TNNT2: variants seen among roughly 807,000 people sequenced by gnomAD.
TNNT2 encodes troponin T2, cardiac type.
In TNNT2, 34 loss-of-function variants were observed where a neutral mutation model predicts 62.4. The ratio of observed to expected loss-of-function variants is 0.54; its 90% CI spans 0.41 to 0.72. The LOEUF is 0.72. TNNT2 is among the 30% of genes least tolerant of loss of function. The probability of loss-of-function intolerance (pLI) is 0.00; values close to 1 mark genes in which losing one functional copy is unlikely to be tolerated. For synonymous variants in TNNT2, 123 were observed against 127.2 expected (o/e 0.97, Z 0.22); for missense variants, 275 against 381.9 (o/e 0.72, Z 2.33).
In TNNT2 at chr1:201,365,622, T is replaced by C. The variant is rs397516453; in HGVS notation, c.282A>G (p.Arg94=). Residue 94 remains arginine (R), a synonymous_variant, in exon 9 of 17, where the codon AGA becomes AGG. Transcript: ENST00000656932. ...LVPPKIPDGE[R]VDFDDIHRKR... is the part of the protein sequence containing the mutation. ...AGCCACCGCTTACATCAAAGTCCACTCTCTCTCCATCGGGGATCTTGGGAG... is the reference window on the plus strand; with the variant it reads ...AGCCACCGCTTACATCAAAGTCCACCCTCTCTCCATCGGGGATCTTGGGAG... 5 of 1,613,754 alleles carry C rather than the reference T, an allele frequency of 3.1e-6. No individual in the cohort carries two copies. Among genetic ancestry groups the C allele is most frequent in the East Asian group, 4.5e-5 (2 of 44,882 alleles).
At chr1:201,369,426 G>A (rs988944020) in intron 5 of TNNT2, 8 of 478,238 alleles carry the variant, frequency 1.7e-5, no homozygotes, top group Non-Finnish European at 2.6e-5. Flanking sequence ...CCTGCTTGGT[G>A]CTGTCCAGCT....
At chr1:201,373,311 C>T in intron 1 of TNNT2, 43 bp from the exon 2 acceptor site, 1 of 1,578,126 alleles carries the variant, frequency 6.3e-7, no homozygotes, top group South Asian at 1.1e-5. Context: ...AAAGGGAAGC[C>T]TGCCTTCCTC....
chr1:201,373,255 G>A lies in TNNT2; in HGVS notation c.-1C>T, dbSNP rs776936911. 1.2e-5 allele frequency: 20 copies of A among 1,614,022 alleles called. No individual in the cohort carries two copies. Among genetic ancestry groups the A allele is most frequent in the Admixed American group, 3.3e-5 (2 of 59,998 alleles). On this transcript the variant is annotated 5_prime_UTR_variant, in exon 2 of 17. Transcript: ENST00000656932. ...CCACCACCTCTTCTATGTCAGACATGGTCTCTGCTCTCCCTCCAAAAGGAG... is the reference window on the plus strand; with the variant it reads ...CCACCACCTCTTCTATGTCAGACATAGTCTCTGCTCTCCCTCCAAAAGGAG...
chr1:201,365,230 C>T lies in TNNT2; in HGVS notation c.372G>A (p.Lys124=). 1 of 1,614,206 alleles carries T rather than the reference C, an allele frequency of 6.2e-7. No homozygotes were observed. Among genetic ancestry groups the T allele is most frequent in the Non-Finnish European group, 8.5e-7 (1 of 1,180,020 alleles). Residue 124 remains lysine (K), a synonymous_variant, in exon 10 of 17, where the codon AAG becomes AAA. Transcript: ENST00000656932. ...ALIEAHFENR[K]KEEEELVSLK... ...GAGAAACGAGCTCCTCCTCCTCTTTCTTCCTGTTCTCAAAGTGAGCCTCGA... is the reference window on the plus strand; with the variant it reads ...GAGAAACGAGCTCCTCCTCCTCTTTTTTCCTGTTCTCAAAGTGAGCCTCGA...
rs141837529 is a variant in TNNT2 at position 201,366,863 on chromosome 1, T to C, written c.208A>G (p.Met70Val). The C allele has an allele frequency of 3.0e-5, 49 of 1,614,068 alleles. No homozygotes were observed. Among genetic ancestry groups the C allele is most frequent in the African/African-American group, 2.5e-4 (19 of 75,024 alleles). The change falls in exon 8 of 17, where the codon ATG (methionine) becomes GTG (valine). Residue 70 changes from methionine (M) to valine (V), a missense_variant. Coordinates refer to ENST00000656932, the MANE Select transcript of TNNT2 (RefSeq NM_001276345.2). Reference sequence around the variant, plus strand: ...CTGGGCTTTGGTTTGGACTCCTCCATTGGGCCATCTGGAGGAGATAGAAGC... The same window carrying C: ...CTGGGCTTTGGTTTGGACTCCTCCACTGGGCCATCTGGAGGAGATAGAAGC... Reference protein sequence around the residue: ...EEAKEAEDGPMEESKPKPRSF... With the variant: ...EEAKEAEDGPVEESKPKPRSF...
intron 14 of TNNT2, among the ~76,000 whole-genome samples, chr1:201,361,641 G>A (rs758217665): frequency 5.9e-5 from 9 of 152,252 alleles, no homozygotes; most frequent in Non-Finnish European, 1.3e-4. Flanking sequence ...AGAGCATCTA[G>A]TTCAATCCCC....
At chr1:201,363,717 C>A (rs1231809063) in intron 11 of TNNT2, 1 of 422,214 alleles carries the variant, frequency 2.4e-6, no homozygotes, top group Non-Finnish European at 4.4e-6. Flanking sequence ...AGCTACGGGG[C>A]CTTCGGTTCC....
chr1:201,359,058 G>T lies in TNNT2; in HGVS notation c.*152C>A. 4 of 883,358 alleles carry T rather than the reference G, an allele frequency of 4.5e-6. No homozygotes were observed. The highest frequency in any genetic ancestry group is 7.3e-6 in the Non-Finnish European group (4 of 546,308). The allele number at this position is 883,358 out of a possible 1,614,324, so 54.7% of individuals were successfully genotyped here. A position where few individuals can be genotyped will look rare whatever the true frequency, so the allele number is the denominator to read the frequency against. On this transcript the variant is annotated 3_prime_UTR_variant, in exon 17 of 17. Transcript: ENST00000656932. Reference sequence around the variant, plus strand: ...TATTACTGGTGTGGAGTGGGTGTGGGGGCAGGCAGGAGTGGTGGCTCCCAC... The same window carrying T: ...TATTACTGGTGTGGAGTGGGTGTGGTGGCAGGCAGGAGTGGTGGCTCCCAC...
chr1:201,363,380 C>T lies in TNNT2; in HGVS notation c.516G>A (p.Glu172=). ...LAEERARREE[E]ENRRKAEDEA... ...CATCCTCAGCCTTCCTCCTGTTCTC[C>T]TCCTCCTCTCGTCGAGCCCTCTCTT... The change falls in exon 12 of 17, where the codon GAG becomes GAA. Residue 172 remains glutamate, a synonymous_variant. Coordinates refer to ENST00000656932, the MANE Select transcript of TNNT2 (RefSeq NM_001276345.2). 1 of 1,614,194 alleles carries T rather than the reference C, an allele frequency of 6.2e-7. No homozygotes were observed. The highest frequency in any genetic ancestry group is 8.5e-7 in the Non-Finnish European group (1 of 1,180,036).
intron 1 of TNNT2, chr1:201,374,760 GGCCATGACAGT>G (rs1408784508): frequency 1.3e-5 from 2 of 152,122 alleles, no homozygotes; most frequent in African/African-American, 2.4e-5. Context: ...AACCCTCCGG[GGCCATGACAGT>G]GCACTGCTCC....
intron 1 of TNNT2, chr1:201,374,738 C>A (rs1197281737): frequency 6.6e-6 from 1 of 152,330 alleles, no homozygotes; most frequent in East Asian, 1.9e-4. Context: ...CAGCTAATAA[C>A]TACTATGACC....
intron 9 of TNNT2, 31 bp downstream of exon 9, chr1:201,365,565 GACTATCCCCAGCCC>G: frequency 6.3e-7 from 1 of 1,599,598 alleles, no homozygotes; most frequent in Non-Finnish European, 8.6e-7. Context: ...GGGCCCTTGG[GACTATCCCCAGCCC>G]AGGCCTACTC....
chr1:201,365,334 G>A lies in TNNT2; in HGVS notation c.295-27C>T, dbSNP rs536144950. On this transcript the variant is annotated intron_variant, in intron 9 of 16. Coordinates refer to ENST00000656932, the MANE Select transcript of TNNT2 (RefSeq NM_001276345.2). ...TGTGGGTGGACCGCTGCGGCTCAGA[G>A]GCTGCCACTCCAAAGAGTCCAGAGG... The A allele has an allele frequency of 1.0e-4, 160 of 1,586,818 alleles. 1 individual carries two copies. The South Asian group carries it at 1.6e-3, about 16-fold the overall frequency.
At position 201,359,148 on chromosome 1, in the gene TNNT2, G is replaced by A. The variant is rs1402175924; in HGVS notation, c.*62C>T. On this transcript the variant is annotated 3_prime_UTR_variant, in exon 17 of 17. Transcript: ENST00000656932. ...GTGCCCAGGAGGGCCCGGGAACTGG[G>A]GGAGTGCAGGCCGGAGGCAGGTGCG... 1 of 1,578,570 alleles carries A rather than the reference G, an allele frequency of 6.3e-7. No individual in the cohort carries two copies. The highest frequency in any genetic ancestry group is 1.2e-5 in the South Asian group (1 of 86,210).
chr1:201,366,136 T>C (rs1046800060), intron 8 of TNNT2: 2 of 1,077,560 alleles, frequency 1.9e-6, no homozygotes, highest in African/African-American at 1.6e-5. Flanking sequence ...TGATTCTTCA[T>C]GTCCCCATCT....
In TNNT2 at chr1:201,365,211, C is replaced by G. The variant is rs537067344; in HGVS notation, c.391G>C (p.Val131Leu). Residue 131 changes from valine to leucine, a missense_variant, in exon 10 of 17, where the codon GTT becomes CTT. Val to Leu is a conservative substitution (Grantham distance 32). Transcript: ENST00000656932. ...CCTACGATCCTGTCTTTGAGAGAAACGAGCTCCTCCTCCTCTTTCTTCCTG... is the reference window on the plus strand; with the variant it reads ...CCTACGATCCTGTCTTTGAGAGAAAGGAGCTCCTCCTCCTCTTTCTTCCTG... Reference protein sequence around the residue: ...ENRKKEEEELVSLKDRIERRR... With the variant: ...ENRKKEEEELLSLKDRIERRR... 1 of 1,614,058 alleles carries G rather than the reference C, an allele frequency of 6.2e-7. No homozygotes were observed. Among genetic ancestry groups the G allele is most frequent in the Non-Finnish European group, 8.5e-7 (1 of 1,179,910 alleles).
At chr1:201,372,849 G>A (rs1660854060) in intron 2 of TNNT2, among the ~76,000 whole-genome samples, 1 of 152,182 alleles carries the variant, frequency 6.6e-6, no homozygotes, top group Admixed American at 6.5e-5. Context: ...CTGAGCTGGG[G>A]TTTGGGGGGC....
intron 4 of TNNT2, among the ~76,000 whole-genome samples, chr1:201,370,666 T>C (rs1343758521): frequency 6.6e-6 from 1 of 152,200 alleles, no homozygotes; most frequent in Non-Finnish European, 1.5e-5. Context: ...CGTCTATTCA[T>C]GGCAAGCAAG....
At position 201,367,165 on chromosome 1, in the gene TNNT2, T is replaced by G. The variant is rs954851755; in HGVS notation, c.200-294A>C. ...GTTCTGGGCAAAGCAATTTTGCTTCTCTTGTGCTTCACAGTGACAAGGCCT... is the reference window on the plus strand; with the variant it reads ...GTTCTGGGCAAAGCAATTTTGCTTCGCTTGTGCTTCACAGTGACAAGGCCT... On this transcript the variant is annotated intron_variant, in intron 7 of 16. Transcript: ENST00000656932. 1.1e-5 allele frequency: 6 copies of G among 533,456 alleles called. No homozygotes were observed. In the South Asian group the frequency reaches 1.2e-4, roughly 11 times the overall value. The allele number at this position is 533,456 out of a possible 1,614,324, so 33.0% of individuals were successfully genotyped here.
Sources: gnomAD v4.1 joint callset for allele counts (sites outside exome capture counted in the v4.1 genomes callset) on GRCh38, gnomAD v4.1.1 for gene constraint, MANE v1.5 for transcripts, NCBI Gene and HGNC (gene_info 2026-07-23, HGNC 2026-07-21) for gene names.